ATF2: variants seen among roughly 807,000 people sequenced by gnomAD.
ATF2 encodes cyclic AMP-dependent transcription factor ATF-2.
In ATF2, 24 loss-of-function variants were observed where a neutral mutation model predicts 60.6. The observed-to-expected ratio is 0.40, with a 90% CI of 0.29 to 0.56. ATF2 has a LOEUF of 0.56. Ranked by LOEUF, ATF2 falls within the 20% of genes least tolerant of loss-of-function variation. The pLI is 0.54. For synonymous variants in ATF2, 206 were observed against 215.4 expected, an observed-to-expected ratio of 0.96 and a Z score of 0.38; for missense variants, 433 against 607.7, an observed-to-expected ratio of 0.71 and a Z score of 3.02.
rs1277272166 is a variant in ATF2 at position 175,134,882 on chromosome 2, T to C, written c.32+1530A>G. 4.6e-5 allele frequency among the ~76,000 whole-genome samples: 7 copies of C among 151,834 alleles called. No individual in the cohort carries two copies. The East Asian group carries it at 1.2e-3, about 25-fold the overall frequency. The stretch of plus-strand genomic sequence containing the variant: ...GTAGCGTCATGGTGGTGTACACCTG[T>C]AGTCCCAGCTACTCTGGAGGCTGAG... On this transcript the variant is annotated intron_variant, in intron 3 of 13. Coordinates refer to ENST00000264110, the MANE Select transcript of ATF2 (RefSeq NM_001880.4).
intron 1 of ATF2, among the ~76,000 whole-genome samples, chr2:175,163,004 G>A (rs1700115358): frequency 1.3e-5 from 2 of 152,080 alleles, no homozygotes; most frequent in South Asian, 4.1e-4. Context: ...CGTGGTGGTG[G>A]GTGCCTGTAG....
chr2:175,138,891 C>T (rs1281776434), intron 2 of ATF2, among the ~76,000 whole-genome samples: 1 of 152,214 alleles, frequency 6.6e-6, no homozygotes, highest in Non-Finnish European at 1.5e-5. Flanking sequence ...AAACATAACA[C>T]AGCCAAAGGA....
intron 1 of ATF2, among the ~76,000 whole-genome samples, chr2:175,159,367 C>T (rs1468874031): frequency 1.3e-5 from 2 of 151,966 alleles, no homozygotes; most frequent in Non-Finnish European, 2.9e-5. Flanking sequence ...GATTCTGATG[C>T]TATCTGTAAG....
intron 1 of ATF2, among the ~76,000 whole-genome samples, chr2:175,162,016 C>A (rs1370331474): frequency 6.6e-6 from 1 of 152,202 alleles, no homozygotes; most frequent in East Asian, 1.9e-4. Context: ...CTGCCTAGGC[C>A]TCCCAAAATG....
At chr2:175,165,320 GAATA>G (rs1700281155) in intron 1 of ATF2, among the ~76,000 whole-genome samples, 1 of 152,016 alleles carries the variant, frequency 6.6e-6, no homozygotes, top group African/African-American at 2.4e-5. Flanking sequence ...ATTTTAGTAA[GAATA>G]AAAAAGAGAA....
chr2:175,141,014 AAAAAAAAAAAAAAAAAATATAT>A lies in ATF2; in HGVS notation c.-43-4550_-43-4529del, dbSNP rs1435961846. 1.7e-4 allele frequency among the ~76,000 whole-genome samples: 19 copies of A among 110,880 alleles called. 1 individual carries two copies. Among genetic ancestry groups the A allele is most frequent in the East Asian group, 1.0e-3 (4 of 3,832 alleles). 72.7% of individuals were successfully genotyped at this position (110,880 alleles called of 152,430 possible). On this transcript the variant is annotated intron_variant, in intron 2 of 13. Transcript: ENST00000264110. ...CCTATCTCAGGAAAAAAAAAAAAAA[AAAAAAAAAAAAAAAAAATATAT>A]ATATATATATATATATGTATATATA...
intron 4 of ATF2, among the ~76,000 whole-genome samples, chr2:175,123,594 G>A (rs1211461152): frequency 6.6e-6 from 1 of 151,918 alleles, no homozygotes; most frequent in Non-Finnish European, 1.5e-5. Context: ...CATTGTGTTC[G>A]TACAAAACAT....
intron 13 of ATF2, 166 bp downstream of exon 13, chr2:175,080,494 A>G (rs945887989): frequency 4.3e-6 from 2 of 462,770 alleles, no homozygotes; most frequent in African/African-American, 4.0e-5. Flanking sequence ...CTAGATTCTA[A>G]AAAATTATAC....
chr2:175,100,900 C>A (rs1276825064), intron 10 of ATF2, among the ~76,000 whole-genome samples: 1 of 152,158 alleles, frequency 6.6e-6, no homozygotes, highest in Non-Finnish European at 1.5e-5. Context: ...GACCCTGTCT[C>A]CTTTGTTCAG....
intron 7 of ATF2, among the ~76,000 whole-genome samples, chr2:175,116,609 C>T (rs890525514): frequency 6.6e-6 from 1 of 151,366 alleles, no homozygotes; most frequent in African/African-American, 2.4e-5. Context: ...TGGATGAGAT[C>T]ACCTAGGAAG....
intron 12 of ATF2, among the ~76,000 whole-genome samples, chr2:175,091,131 T>C (rs570653971): frequency 6.6e-6 from 1 of 152,324 alleles, no homozygotes; most frequent in East Asian, 1.9e-4. Context: ...CAGGTACTTT[T>C]ACTTCTTAAA....
chr2:175,155,808 T>C (rs886764449), intron 1 of ATF2, among the ~76,000 whole-genome samples: 15 of 152,208 alleles, frequency 9.9e-5, no homozygotes, highest in African/African-American at 3.6e-4. Context: ...AATGACAGCA[T>C]CAAATCACTA....
intron 2 of ATF2, among the ~76,000 whole-genome samples, chr2:175,145,324 CT>C (rs1234195201): frequency 6.6e-6 from 1 of 152,186 alleles, no homozygotes; most frequent in Non-Finnish European, 1.5e-5. Context: ...TCCCTCATGG[CT>C]CAGTGCTGTC....
intron 1 of ATF2, among the ~76,000 whole-genome samples, chr2:175,164,322 C>A (rs1235979481): frequency 6.6e-6 from 1 of 151,888 alleles, no homozygotes; most frequent in Non-Finnish European, 1.5e-5. Flanking sequence ...TCACTCGAGG[C>A]CAGGAAGTCG....
At chr2:175,105,643 C>T (rs1286255578) in intron 10 of ATF2, among the ~76,000 whole-genome samples, 2 of 152,148 alleles carry the variant, frequency 1.3e-5, no homozygotes, top group African/African-American at 2.4e-5. Flanking sequence ...CCAGAATTCC[C>T]TTATCCAGTA....
At chr2:175,132,085 C>T (rs2105752903) in intron 3 of ATF2, among the ~76,000 whole-genome samples, 3 of 152,248 alleles carry the variant, frequency 2.0e-5, no homozygotes, top group Admixed American at 2.0e-4. Flanking sequence ...GTTGTGATAT[C>T]ATCATGTATC....
At chr2:175,075,797 G>A (rs1314185775) in intron 13 of ATF2, among the ~76,000 whole-genome samples, 6 of 152,028 alleles carry the variant, frequency 3.9e-5, no homozygotes, top group Non-Finnish European at 7.4e-5. Context: ...AACCATTCTC[G>A]TTTTTTCTCT....
intron 2 of ATF2, among the ~76,000 whole-genome samples, chr2:175,143,304 A>G (rs1458813752): frequency 6.6e-6 from 1 of 152,206 alleles, no homozygotes; most frequent in Non-Finnish European, 1.5e-5. Context: ...GAAGAAAAAT[A>G]TATAAATAGT....
chr2:175,130,750 A>T (rs994491092), intron 3 of ATF2, among the ~76,000 whole-genome samples: 4 of 152,158 alleles, frequency 2.6e-5, no homozygotes, highest in African/African-American at 9.6e-5. Flanking sequence ...AGAGAAATTC[A>T]AAAATAAAAG....
Sources: allele counts gnomAD v4.1 joint callset (sites outside exome capture counted in the v4.1 genomes callset), GRCh38; gene constraint gnomAD v4.1.1; transcripts MANE v1.5; gene names NCBI Gene and HGNC (gene_info 2026-07-23, HGNC 2026-07-21).